TASOR: variants seen among roughly 807,000 people sequenced by gnomAD.
TASOR encodes the protein transcription activation suppressor.
A neutral mutation model predicts 178.6 loss-of-function variants in TASOR; 53 were observed. That is an observed-to-expected ratio of 0.30 (90% CI 0.24 to 0.37). The LOEUF is 0.37. Ranked by LOEUF, TASOR falls within the 10% of genes least tolerant of loss-of-function variation. The pLI is 1.00. For synonymous variants in TASOR, 713 were observed against 696.2 expected (o/e 1.02, Z -0.38); for missense variants, 1,815 against 1,971.4 (o/e 0.92, Z 1.50).
intron 11 of TASOR, among the ~76,000 whole-genome samples, chr3:56,659,545 C>G (rs894041085): frequency 6.6e-6 from 1 of 152,186 alleles, no homozygotes; most frequent in Non-Finnish European, 1.5e-5. Flanking sequence ...TCCCATAAAT[C>G]TGTCTCTTCT....
rs1451542164 is a variant in TASOR at position 56,662,632 on chromosome 3, T to C, written c.1055-142A>G. On this transcript the variant is annotated intron_variant, in intron 8 of 23. Coordinates refer to ENST00000683822, the MANE Select transcript of TASOR (RefSeq NM_001365635.2). ...AAAAAAAAAAAAACAGTGACTCTTC[T>C]ACACTTCTATTTACTAACAGTTCAA... 13 of 515,642 alleles carry C rather than the reference T, an allele frequency of 2.5e-5. No individual in the cohort carries two copies. In the South Asian group the frequency reaches 3.4e-4, roughly 13 times the overall value. 31.9% of individuals were successfully genotyped at this position (515,642 alleles called of 1,614,324 possible).
chr3:56,663,839 C>G (rs6767903), intron 7 of TASOR: 120,423 of 998,346 alleles, frequency 0.12, 9,832 homozygotes, highest in South Asian at 0.39. Flanking sequence ...CAAGAGAGAA[C>G]AGTGTCCACC....
chr3:56,621,683 C>A lies in TASOR; in HGVS notation c.*1354G>T. The A allele has an allele frequency of 8.9e-7, 1 of 1,117,852 alleles. No homozygotes were observed. The highest frequency in any genetic ancestry group is 1.3e-6 in the Non-Finnish European group (1 of 764,384). 69.2% of individuals were successfully genotyped at this position (1,117,852 alleles called of 1,614,324 possible). A position where few individuals can be genotyped will look rare whatever the true frequency, so the allele number is the denominator to read the frequency against. ...CCAAATTATAAAATGTGCTCACTGGCTCAACTGTATTTTTCAAATAGCCTA... is the reference window on the plus strand; with the variant it reads ...CCAAATTATAAAATGTGCTCACTGGATCAACTGTATTTTTCAAATAGCCTA... On this transcript the variant is annotated 3_prime_UTR_variant, in exon 24 of 24. Transcript: ENST00000683822.
At chr3:56,624,008 C>T (rs534695564) in intron 23 of TASOR, among the ~76,000 whole-genome samples, 2 of 152,174 alleles carry the variant, frequency 1.3e-5, no homozygotes, top group South Asian at 4.1e-4. Flanking sequence ...TTACACAGAA[C>T]CTGGAACCAA....
chr3:56,668,900 G>C (rs765448191), intron 5 of TASOR, among the ~76,000 whole-genome samples: 1 of 152,190 alleles, frequency 6.6e-6, no homozygotes, highest in Non-Finnish European at 1.5e-5. Flanking sequence ...TTGAACCTGG[G>C]AGGCGGAGGT....
At chr3:56,636,395 G>A in intron 17 of TASOR, among the ~76,000 whole-genome samples, 1 of 151,904 alleles carries the variant, frequency 6.6e-6, no homozygotes, top group Non-Finnish European at 1.5e-5. Context: ...GTTGTTGGTG[G>A]TGGTGGTGGT....
rs1263089650 is a variant in TASOR at position 56,670,198 on chromosome 3, T to C, written c.571-53A>G. On this transcript the variant is annotated intron_variant, in intron 3 of 23. Transcript: ENST00000683822. ...TGCAGTCATAACAACATTTAAAACATGAAAAAATAATTTTATAAACTTGGT... is the reference window on the plus strand; with the variant it reads ...TGCAGTCATAACAACATTTAAAACACGAAAAAATAATTTTATAAACTTGGT... The C allele has an allele frequency of 9.1e-6, 10 of 1,099,438 alleles. No homozygotes were observed. In the Admixed American group the frequency reaches 2.3e-4, roughly 25 times the overall value. 68.1% of individuals were successfully genotyped at this position (1,099,438 alleles called of 1,614,324 possible).
chr3:56,673,714 G>C lies in TASOR; in HGVS notation c.343C>G (p.Pro115Ala), dbSNP rs1332694607. The C allele has an allele frequency of 6.5e-7, 1 of 1,543,326 alleles. No homozygotes were observed. The highest frequency in any genetic ancestry group is 8.7e-7 in the Non-Finnish European group (1 of 1,144,468). The change falls in exon 2 of 24, where the codon CCA (proline) becomes GCA (alanine). Residue 115 changes from proline (P) to alanine (A), a missense_variant. Physicochemically the swap from Pro to Ala is conservative, Grantham distance 27. Transcript: ENST00000683822. ...AATTCTCGAGAGCCTGGAGTTAATG[G>C]CTGGAAAAGTGCTAAAATAAAAAAA... Reference protein sequence around the residue: ...KSREKKALFQPLTPGSREFED... With the variant: ...KSREKKALFQALTPGSREFED...
chr3:56,641,220 G>T (rs1321328373), intron 15 of TASOR, 129 bp downstream of exon 15: 1 of 807,670 alleles, frequency 1.2e-6, no homozygotes, highest in Non-Finnish European at 1.9e-6. Context: ...ATCCTAGACA[G>T]GCACCTTTAC....
At chr3:56,679,008 CA>C (rs5849163) in intron 1 of TASOR, among the ~76,000 whole-genome samples, 47,615 of 116,616 alleles carry the variant, frequency 0.41, 7,732 homozygotes, top group East Asian at 0.56. Flanking sequence ...GCTCTGACTC[CA>C]AAAAAAAAAA....
At position 56,623,470 on chromosome 3, in the gene TASOR, T is replaced by C; in HGVS notation, c.4580A>G (p.Glu1527Gly). ...HIEVCSNFHS[E>G]IWEKETKGSR... is the part of the protein sequence containing the mutation. ...TCCTTTGGTCTCTTTCTCCCATATT[T>C]CTGAATGAAAATTGCTGCATACTTC... The change falls in exon 24 of 24, where the codon GAA becomes GGA. Residue 1527 changes from glutamate to glycine, a missense_variant. Coordinates refer to ENST00000683822, the MANE Select transcript of TASOR (RefSeq NM_001365635.2). 6.2e-7 allele frequency: 1 copy of C among 1,613,486 alleles called. No homozygotes were observed. Among genetic ancestry groups the C allele is most frequent in the Non-Finnish European group, 8.5e-7 (1 of 1,179,968 alleles).
rs755461685 is a variant in TASOR, at chr3:56,623,052, A to G, written c.4998T>C (p.Tyr1666=). ...GTTACTACAGTTATTTCTCTTGTGA[A>G]TATGGCCTGGAAGAATCACTTTTCC... is the stretch of plus-strand genomic sequence containing the variant. ...SWGKSDSSRP[Y]SQEK is the part of the protein sequence containing the mutation. Residue 1666 remains tyrosine, a synonymous_variant, in exon 24 of 24, where the codon TAT becomes TAC. Transcript: ENST00000683822. 5.1e-6 allele frequency: 8 copies of G among 1,554,640 alleles called. No homozygotes were observed. The highest frequency in any genetic ancestry group is 2.3e-5 in the East Asian group (1 of 43,984).
Position 56,641,757 on chromosome 3 carries a change from G to C in TASOR, c.2216-5C>G. 2 of 1,580,850 alleles carry C rather than the reference G, an allele frequency of 1.3e-6. No individual in the cohort carries two copies. Among genetic ancestry groups the C allele is most frequent in the Non-Finnish European group, 1.7e-6 (2 of 1,161,512 alleles). Reference sequence around the variant, plus strand: ...AGCCAATAGGCTGTGGAGACTCTGAGAAAAAGGAAGTCATTGGTTGAAGTT... The same window carrying C: ...AGCCAATAGGCTGTGGAGACTCTGACAAAAAGGAAGTCATTGGTTGAAGTT... On this transcript the variant is annotated splice_polypyrimidine_tract_variant and splice_region_variant and intron_variant, in intron 14 of 23. Coordinates refer to ENST00000683822, the MANE Select transcript of TASOR (RefSeq NM_001365635.2).
intron 1 of TASOR, among the ~76,000 whole-genome samples, chr3:56,674,129 G>A (rs1486370150): frequency 6.9e-6 from 1 of 145,688 alleles, no homozygotes; most frequent in African/African-American, 2.6e-5. Flanking sequence ...CCATGTATGA[G>A]ACCATAAAAG....
intron 11 of TASOR, among the ~76,000 whole-genome samples, chr3:56,652,532 T>G (rs936574892): frequency 6.8e-6 from 1 of 147,224 alleles, no homozygotes; most frequent in Admixed American, 6.9e-5. Flanking sequence ...CCAGCCTGGA[T>G]GACAAAGCAA....
chr3:56,621,558 G>T lies in TASOR; in HGVS notation c.*1479C>A, dbSNP rs777872945. The T allele has an allele frequency of 2.3e-5, 37 of 1,598,802 alleles. No homozygotes were observed. The East Asian group carries it at 8.3e-4, about 36-fold the overall frequency. On this transcript the variant is annotated 3_prime_UTR_variant, in exon 24 of 24. Transcript: ENST00000683822. ...GCCTTCTCCAGAAGCAAAAGGAGTT[G>T]GAAAGTAGTCTCCTGCCTTTAGCTG...
At chr3:56,644,976 A>T (rs2107574686) in intron 14 of TASOR, among the ~76,000 whole-genome samples, 1 of 152,324 alleles carries the variant, frequency 6.6e-6, no homozygotes, top group South Asian at 2.1e-4. Context: ...ACAATAAAAG[A>T]AGTAAAAGGA....
chr3:56,666,460 G>A, intron 6 of TASOR, 76 bp from the exon 7 acceptor site: 4 of 1,203,944 alleles, frequency 3.3e-6, no homozygotes, highest in Non-Finnish European at 4.4e-6. Context: ...CCTGATTTCT[G>A]AGAAATAGAA....
In TASOR at chr3:56,673,562, G is replaced by T. The variant is rs1254263484; in HGVS notation, c.477+18C>A. On this transcript the variant is annotated intron_variant, in intron 2 of 23. Transcript: ENST00000683822. ...GGTTCTGAAAACAATCTTACAGTAA[G>T]TATAATTTAAAACATACCTCCTTTT... 1.3e-6 allele frequency: 2 copies of T among 1,519,932 alleles called. No individual in the cohort carries two copies. The highest frequency in any genetic ancestry group is 2.6e-5 in the South Asian group (2 of 78,324). 94.2% of individuals were successfully genotyped at this position (1,519,932 alleles called of 1,614,324 possible).
Sources: gnomAD v4.1 joint callset for allele counts (sites outside exome capture counted in the v4.1 genomes callset) on GRCh38, gnomAD v4.1.1 for gene constraint, MANE v1.5 for transcripts, NCBI Gene and HGNC (gene_info 2026-07-23, HGNC 2026-07-21) for gene names.